Variants in ZNF793 observed in about 807,000 individuals in gnomAD.
ZNF793 encodes zinc finger protein 793.
In ZNF793, 5 loss-of-function variants were observed where a neutral mutation model predicts 12.4. The ratio of observed to expected loss-of-function variants is 0.40; its 90% CI spans 0.21 to 0.84. ZNF793 has a LOEUF of 0.84. Among genes scored for constraint, ZNF793 ranks in the 40% least tolerant of loss-of-function variants. The pLI is 0.35. For synonymous variants in ZNF793, 162 were observed against 172.4 expected, an observed-to-expected ratio of 0.94 and a Z score of 0.47; for missense variants, 456 against 495.0, an observed-to-expected ratio of 0.92 and a Z score of 0.75.
In ZNF793 at chr19:37,537,135, T is replaced by G; in HGVS notation, c.477T>G (p.Cys159Trp). 6.2e-7 allele frequency: 1 copy of G among 1,613,506 alleles called. No individual in the cohort carries two copies. The highest frequency in any genetic ancestry group is 8.5e-7 in the Non-Finnish European group (1 of 1,179,596). Reference sequence around the variant, plus strand: ...ACTTGATTGGTTTTAAGAGAAACTGTGCAAAAAAGCAAGATGAGTGTTATG... The same window carrying G: ...ACTTGATTGGTTTTAAGAGAAACTGGGCAAAAAAGCAAGATGAGTGTTATG... ...NLDLIGFKRN[C>W]AKKQDECYAY... Residue 159 changes from cysteine (C) to tryptophan (W), a missense_variant, in exon 8 of 8, where the codon TGT (cysteine) becomes TGG (tryptophan). By Grantham distance (215) the Cys-to-Trp change is radical. Coordinates refer to ENST00000627814, the MANE Select transcript of ZNF793 (RefSeq NM_001013659.3).
chr19:37,511,706 G>A (rs2147057673), intron 2 of ZNF793, among the ~76,000 whole-genome samples: 1 of 152,262 alleles, frequency 6.6e-6, no homozygotes, highest in Admixed American at 6.5e-5. Flanking sequence ...CTGAAGTTCT[G>A]GCTTGGCCAT....
Position 37,536,764 on chromosome 19 carries a change from C to T in ZNF793, c.239-133C>T, listed in dbSNP as rs1011290221. The T allele has an allele frequency of 3.2e-6, 3 of 947,746 alleles. No homozygotes were observed. In the African/African-American group the frequency reaches 5.0e-5, roughly 16 times the overall value. 58.7% of individuals were successfully genotyped at this position (947,746 alleles called of 1,614,324 possible). A position where few individuals can be genotyped will look rare whatever the true frequency, so the allele number is the denominator to read the frequency against. ...TTCAGAATCCTCTTTACTCATAGAA[C>T]ACTCTTCCCTGCGTTTGTGCTTTGG... On this transcript the variant is annotated intron_variant, in intron 7 of 7. Transcript: ENST00000627814.
At chr19:37,524,452 G>A (rs985427291) in intron 5 of ZNF793, among the ~76,000 whole-genome samples, 10 of 152,080 alleles carry the variant, frequency 6.6e-5, no homozygotes, top group African/African-American at 2.4e-4. Context: ...AGTGATGCAA[G>A]GAACATTCTC....
At chr19:37,529,909 T>G (rs1312094162) in intron 5 of ZNF793, among the ~76,000 whole-genome samples, 1 of 151,858 alleles carries the variant, frequency 6.6e-6, no homozygotes, top group African/African-American at 2.4e-5. Context: ...AAAGAAATAA[T>G]GGGGCCCAGG....
intron 2 of ZNF793, among the ~76,000 whole-genome samples, chr19:37,509,350 A>C (rs1364322514): frequency 6.6e-6 from 1 of 152,174 alleles, no homozygotes; most frequent in African/African-American, 2.4e-5. Flanking sequence ...TCTATTTCTG[A>C]GTTAGAAAAT....
At chr19:37,534,727 G>C (rs1430933716) in intron 7 of ZNF793, 1 of 151,726 alleles carries the variant, frequency 6.6e-6, no homozygotes, top group Non-Finnish European at 1.5e-5. Context: ...TGTCACCCAG[G>C]CTGGAGTGCA....
chr19:37,526,810 G>A (rs772862271), intron 5 of ZNF793, among the ~76,000 whole-genome samples: 6 of 152,192 alleles, frequency 3.9e-5, no homozygotes, highest in Non-Finnish European at 7.3e-5. Flanking sequence ...GAGCCACTTC[G>A]GTGCTTCTTT....
At chr19:37,512,462 C>T (rs1423683592) in intron 2 of ZNF793, among the ~76,000 whole-genome samples, 1 of 151,984 alleles carries the variant, frequency 6.6e-6, no homozygotes, top group East Asian at 1.9e-4. Context: ...TTGCAGTGAG[C>T]CGAGATCACG....
chr19:37,507,564 G>T (rs180997904), intron 1 of ZNF793, among the ~76,000 whole-genome samples: 1 of 152,198 alleles, frequency 6.6e-6, no homozygotes, highest in African/African-American at 2.4e-5. Flanking sequence ...CATATCATCG[G>T]TGGAGGATCG....
chr19:37,527,441 G>T (rs912033436), intron 5 of ZNF793, among the ~76,000 whole-genome samples: 1 of 152,084 alleles, frequency 6.6e-6, no homozygotes, highest in Non-Finnish European at 1.5e-5. Context: ...TTATATAATG[G>T]TATTATGTGC....
chr19:37,516,513 A>G (rs972548872), intron 2 of ZNF793, among the ~76,000 whole-genome samples: 5 of 152,204 alleles, frequency 3.3e-5, no homozygotes, highest in Non-Finnish European at 7.4e-5. Context: ...TTGAGTTCAA[A>G]TGTTAGGGAC....
At chr19:37,536,607 A>G (rs1416413019) in intron 7 of ZNF793, 2 of 423,174 alleles carry the variant, frequency 4.7e-6, no homozygotes, top group Non-Finnish European at 8.3e-6. Context: ...CGGAGACCAT[A>G]TGGCCCACAA....
chr19:37,531,356 G>T (rs754774544), intron 5 of ZNF793: 2 of 152,638 alleles, frequency 1.3e-5, no homozygotes, highest in African/African-American at 4.8e-5. Context: ...TAGTAGAGAC[G>T]GGGTTTCACC....
At chr19:37,517,714 T>C (rs1281300517) in intron 2 of ZNF793, among the ~76,000 whole-genome samples, 3 of 152,060 alleles carry the variant, frequency 2.0e-5, no homozygotes, top group Admixed American at 2.0e-4. Flanking sequence ...GAAATAACCT[T>C]GCACAGTGCC....
In ZNF793 at chr19:37,508,379, C is replaced by T. The variant is rs1384505663; in HGVS notation, c.-300C>T. On this transcript the variant is annotated 5_prime_UTR_variant, in exon 2 of 8. Transcript: ENST00000627814. Reference sequence around the variant, plus strand: ...CAGCGGGGATGGATGTGACCTTGCCCGTGGTTAGAAAACAAATTTACTGAG... The same window carrying T: ...CAGCGGGGATGGATGTGACCTTGCCTGTGGTTAGAAAACAAATTTACTGAG... 3 of 152,054 alleles carry T rather than the reference C, an allele frequency of 2.0e-5. No individual in the cohort carries two copies. Among genetic ancestry groups the T allele is most frequent in the African/African-American group, 7.2e-5 (3 of 41,398 alleles). 9.4% of individuals were successfully genotyped at this position (152,054 alleles called of 1,614,324 possible).
chr19:37,536,547 A>G, intron 7 of ZNF793: 1 of 412,128 alleles, frequency 2.4e-6, no homozygotes. Context: ...TCTTACGTTT[A>G]CATGTTGTCT....
At position 37,537,253 on chromosome 19, in the gene ZNF793, C is replaced by T. The variant is rs2042513456; in HGVS notation, c.595C>T (p.Gln199Ter). ...GCSHCEKAFT[Q>*]NPALMYKPAV... ...CAGTCACTGTGAGAAAGCTTTCACC[C>T]AGAACCCGGCACTTATGTATAAACC... Residue 199 changes from glutamine (Q) to a stop codon, truncating the protein, a stop_gained, in exon 8 of 8, where the codon CAG becomes TAG. Coordinates refer to ENST00000627814, the MANE Select transcript of ZNF793 (RefSeq NM_001013659.3). LOFTEE classifies it low-confidence loss of function (END_TRUNC). The T allele has an allele frequency of 1.2e-6, 2 of 1,613,928 alleles. No homozygotes were observed. Among genetic ancestry groups the T allele is most frequent in the Non-Finnish European group, 1.7e-6 (2 of 1,179,898 alleles).
At chr19:37,516,897 C>T (rs982190741) in intron 2 of ZNF793, among the ~76,000 whole-genome samples, 13 of 152,088 alleles carry the variant, frequency 8.5e-5, no homozygotes, top group South Asian at 4.1e-4. Context: ...CTGCCCACCT[C>T]GGCCTCCCAA....
rs921428084 is a variant in ZNF793 at position 37,516,198 on chromosome 19, G to A, written c.-275-3986G>A. On this transcript the variant is annotated intron_variant, in intron 2 of 7. Transcript: ENST00000627814. ...TGCCCAGGCTGGAGTGCAGTGGCGCGATCTCGGCTCACTGCAACCTCCACC... is the reference window on the plus strand; with the variant it reads ...TGCCCAGGCTGGAGTGCAGTGGCGCAATCTCGGCTCACTGCAACCTCCACC... Among the ~76,000 whole-genome samples the A allele has an allele frequency of 1.2e-4, 19 of 152,128 alleles. No individual in the cohort carries two copies. In the East Asian group the frequency reaches 2.1e-3, roughly 17 times the overall value.
Sources: gnomAD v4.1 joint callset for allele counts (sites outside exome capture counted in the v4.1 genomes callset) on GRCh38, gnomAD v4.1.1 for gene constraint, MANE v1.5 for transcripts, NCBI Gene and HGNC (gene_info 2026-07-23, HGNC 2026-07-21) for gene names.